CCDC149: variants seen among roughly 807,000 people sequenced by gnomAD.
CCDC149 encodes the protein coiled-coil domain-containing protein 149.
Under a neutral mutation model 59.9 loss-of-function variants are expected in CCDC149, and 45 were observed. That is an observed-to-expected ratio of 0.75 (90% confidence interval 0.59 to 0.96). CCDC149 has a LOEUF of 0.96. CCDC149 is among the 40% of genes least tolerant of loss of function. The pLI, the probability that CCDC149 is intolerant of heterozygous loss-of-function variation, is 0.00. For synonymous variants in CCDC149, 245 were observed against 260.6 expected (o/e 0.94, Z 0.58); for missense variants, 584 against 664.7 (o/e 0.88, Z 1.33).
intron 12 of CCDC149, among the ~76,000 whole-genome samples, chr4:24,816,052 C>T (rs1471886554): frequency 6.6e-6 from 1 of 152,000 alleles, no homozygotes; most frequent in Non-Finnish European, 1.5e-5. Context: ...TACCAACCCA[C>T]TCTCCCATTT....
chr4:24,977,658 A>C (rs571283390), intron 1 of CCDC149, among the ~76,000 whole-genome samples: 1 of 152,354 alleles, frequency 6.6e-6, no homozygotes, highest in South Asian at 2.1e-4. Context: ...CTCTAGTCCC[A>C]GCCCTGCTAC....
Position 24,874,244 on chromosome 4 carries a change from G to GTTTTTTTTTTTTTTTTT in CCDC149, c.226-526_226-525insAAAAAAAAAAAAAAAAA, listed in dbSNP as rs5856868. Among the ~76,000 whole-genome samples, 45 of 87,484 alleles carry GTTTTTTTTTTTTTTTTT rather than the reference G, an allele frequency of 5.1e-4. 6 individuals carry two copies. Among genetic ancestry groups the GTTTTTTTTTTTTTTTTT allele is most frequent in the African/African-American group, 2.6e-3 (44 of 17,170 alleles). 57.4% of individuals were successfully genotyped at this position (87,484 alleles called of 152,430 possible). ...GAGAACTTCTAGTCCTATTAGATTTGTTTTTTTTTTTTTTTGTTTTGTTTT... is the reference window on the plus strand; with the variant it reads ...GAGAACTTCTAGTCCTATTAGATTTGTTTTTTTTTTTTTTTTTTTTTTTTTTTTTTTTGTTTTGTTTT... On this transcript the variant is annotated intron_variant, in intron 2 of 12. Transcript: ENST00000635206.
At chr4:24,924,669 G>T (rs146894374) in intron 1 of CCDC149, among the ~76,000 whole-genome samples, 2 of 152,150 alleles carry the variant, frequency 1.3e-5, no homozygotes, top group Non-Finnish European at 2.9e-5. Context: ...TTCTCATGGC[G>T]CCATGGAGTT....
At chr4:24,883,203 CT>C (rs34694471) in intron 1 of CCDC149, among the ~76,000 whole-genome samples, 2,918 of 147,372 alleles carry the variant, frequency 0.02, 86 homozygotes, top group African/African-American at 0.068. Flanking sequence ...GTTTTCTTTT[CT>C]TTTTTTTTTT....
At chr4:24,875,462 T>C (rs1373227272) in intron 2 of CCDC149, among the ~76,000 whole-genome samples, 1 of 152,148 alleles carries the variant, frequency 6.6e-6, no homozygotes, top group African/African-American at 2.4e-5. Flanking sequence ...TGTTTTATTA[T>C]TTTTAAAAAT....
chr4:24,922,822 A>G (rs1003783014), intron 1 of CCDC149, among the ~76,000 whole-genome samples: 2 of 152,172 alleles, frequency 1.3e-5, no homozygotes, highest in Admixed American at 1.3e-4. Context: ...TACCCCTTTG[A>G]AACACACAGT....
At chr4:24,887,085 C>T (rs1421551238) in intron 1 of CCDC149, among the ~76,000 whole-genome samples, 3 of 152,162 alleles carry the variant, frequency 2.0e-5, no homozygotes, top group South Asian at 2.1e-4. Context: ...TCATCATGTG[C>T]TCATCATCCT....
intron 1 of CCDC149, among the ~76,000 whole-genome samples, chr4:24,979,107 TG>T (rs1182103528): frequency 6.6e-6 from 1 of 152,198 alleles, no homozygotes; most frequent in East Asian, 1.9e-4. Context: ...GAGGCCACCA[TG>T]GGGGACATGG....
chr4:24,887,059 T>C (rs1302530432), intron 1 of CCDC149, among the ~76,000 whole-genome samples: 3 of 151,938 alleles, frequency 2.0e-5, no homozygotes, highest in African/African-American at 7.3e-5. Context: ...ACAAACACCA[T>C]GAGGGTAGTT....
At chr4:24,922,517 C>T (rs537489054) in intron 1 of CCDC149, among the ~76,000 whole-genome samples, 52 of 152,126 alleles carry the variant, frequency 3.4e-4, no homozygotes, top group Non-Finnish European at 6.2e-4. Context: ...GCATTTTGGA[C>T]TCATTTTTAT....
chr4:24,817,706 G>C (rs1160233993), intron 12 of CCDC149, among the ~76,000 whole-genome samples: 1 of 151,670 alleles, frequency 6.6e-6, no homozygotes, highest in African/African-American at 2.4e-5. Flanking sequence ...ATGCAAGAGA[G>C]AGCTTGCAGA....
At chr4:24,907,877 C>A (rs919163400) in intron 1 of CCDC149, among the ~76,000 whole-genome samples, 1 of 152,188 alleles carries the variant, frequency 6.6e-6, no homozygotes, top group Non-Finnish European at 1.5e-5. Flanking sequence ...TCCTAGTTTC[C>A]GGTGGTCACC....
intron 1 of CCDC149, among the ~76,000 whole-genome samples, chr4:24,888,745 T>C (rs1289200755): frequency 1.3e-5 from 2 of 152,162 alleles, no homozygotes; most frequent in African/African-American, 2.4e-5. Context: ...CCTCGCACCT[T>C]GGGTGTGAGC....
intron 12 of CCDC149, among the ~76,000 whole-genome samples, chr4:24,813,035 C>T (rs1714734066): frequency 6.6e-6 from 1 of 152,112 alleles, no homozygotes; most frequent in Admixed American, 6.6e-5. Context: ...TATTGAGGCC[C>T]TAATCCCCAG....
chr4:24,808,737 A>G lies in CCDC149; in HGVS notation c.1275T>C (p.Ala425=), dbSNP rs1397802162. 1.3e-6 allele frequency: 2 copies of G among 1,551,986 alleles called. No homozygotes were observed. Among genetic ancestry groups the G allele is most frequent in the African/African-American group, 2.7e-5 (2 of 73,068 alleles). Residue 425 remains alanine, a synonymous_variant, in exon 13 of 13, where the codon GCT becomes GCC. Coordinates refer to ENST00000635206, the MANE Select transcript of CCDC149 (RefSeq NM_001330643.2). ...GGCTCTGATTTGCTGGGGAGTTGAC[A>G]GCGGGCCTCCCAGCATCCTCAGGCG...
At chr4:24,915,417 A>C (rs1185905049), upstream of CCDC149, among the ~76,000 whole-genome samples, 1 of 152,216 alleles carries the variant, frequency 6.6e-6, no homozygotes, top group Non-Finnish European at 1.5e-5. Flanking sequence ...TGAGCCCTTC[A>C]TGATATACCA....
intron 1 of CCDC149, among the ~76,000 whole-genome samples, chr4:24,977,195 C>T (rs1724240040): frequency 6.6e-6 from 1 of 152,082 alleles, no homozygotes; most frequent in Non-Finnish European, 1.5e-5. Context: ...GGGCATGGAC[C>T]CAAGCCCCAT....
chr4:24,962,662 T>C (rs1259568103), intron 1 of CCDC149, among the ~76,000 whole-genome samples: 3 of 151,542 alleles, frequency 2.0e-5, no homozygotes, highest in Non-Finnish European at 2.9e-5. Flanking sequence ...ATGTTCTCAC[T>C]CATAGGTGGG....
intron 9 of CCDC149, chr4:24,830,956 G>C (rs1407958297): frequency 1.3e-5 from 2 of 152,682 alleles, no homozygotes; most frequent in African/African-American, 4.8e-5. Context: ...ACGTTAACCT[G>C]CTTGGTTTTA....
Sources: gnomAD v4.1 joint callset for allele counts (sites outside exome capture counted in the v4.1 genomes callset) on GRCh38, gnomAD v4.1.1 for gene constraint, MANE v1.5 for transcripts, NCBI Gene and HGNC (gene_info 2026-07-23, HGNC 2026-07-21) for gene names.